PSD3: variants seen among roughly 807,000 people sequenced by gnomAD.
PSD3 encodes the protein pleckstrin and Sec7 domain containing 3, also known as PH and SEC7 domain-containing protein 3.
Under a neutral mutation model 105.5 loss-of-function variants are expected in PSD3, and 49 were observed. The observed-to-expected ratio is 0.46, with a 90% CI of 0.37 to 0.59. PSD3 has a LOEUF of 0.59. Among genes scored for constraint, PSD3 ranks in the 20% least tolerant of loss-of-function variants. PSD3 has a pLI of 0.00. For missense variants in PSD3, 1,561 were observed against 1,263.8 expected, an observed-to-expected ratio of 1.24 and a Z score of -3.57; for synonymous variants, 557 against 457.8, an observed-to-expected ratio of 1.22 and a Z score of -2.77.
intron 2 of PSD3, among the ~76,000 whole-genome samples, chr8:18,906,390 CA>C (rs950701971): frequency 4.6e-5 from 7 of 152,098 alleles, no homozygotes; most frequent in Non-Finnish European, 8.8e-5. Flanking sequence ...AATTCATACC[CA>C]AATTAGAAGG....
chr8:18,589,347 T>G (rs1212379190), intron 12 of PSD3, among the ~76,000 whole-genome samples: 2 of 152,196 alleles, frequency 1.3e-5, no homozygotes, highest in Non-Finnish European at 2.9e-5. Flanking sequence ...TGTGAGAATT[T>G]TAGAAGGATG....
At chr8:18,790,665 C>CT (rs904822539) in intron 8 of PSD3, among the ~76,000 whole-genome samples, 26 of 152,062 alleles carry the variant, frequency 1.7e-4, no homozygotes, top group African/African-American at 5.8e-4. Context: ...TCTCTATATC[C>CT]TTATTGTGGA....
Position 18,855,226 on chromosome 8 carries a change from A to C in PSD3, c.1634+12448T>G, listed in dbSNP as rs1815911954. Among the ~76,000 whole-genome samples, 2 of 152,236 alleles carry C rather than the reference A, an allele frequency of 1.3e-5. 1 individual carries two copies. The highest frequency in any genetic ancestry group is 1.3e-4 in the Admixed American group (2 of 15,282). On this transcript the variant is annotated intron_variant, in intron 4 of 15. Transcript: ENST00000327040. ...AAGTGGATAAAAATTATACACTCGA[A>C]GAACATGTAATATGCCCTTTCAAGA...
chr8:18,571,789 C>T (rs1802156862), intron 14 of PSD3, among the ~76,000 whole-genome samples: 1 of 152,180 alleles, frequency 6.6e-6, no homozygotes, highest in East Asian at 1.9e-4. Context: ...ATAAAACTGT[C>T]TCTATGTAAT....
chr8:18,567,196 A>G (rs2130275349), intron 14 of PSD3, among the ~76,000 whole-genome samples: 1 of 152,236 alleles, frequency 6.6e-6, no homozygotes, highest in East Asian at 1.9e-4. Flanking sequence ...TGTGAGAAAG[A>G]CCCAAACTAC....
rs145983110 is a variant in PSD3, at chr8:18,539,242, A to G, written c.2929-3284T>C. ...ATGCTATCCAGAGGATTTGAGGACA[A>G]AATAAAATTGTCTCAGAATAAAGAA... is the stretch of plus-strand genomic sequence containing the variant. On this transcript the variant is annotated intron_variant, in intron 15 of 15. Transcript: ENST00000327040. Among the ~76,000 whole-genome samples the G allele has an allele frequency of 2.4e-3, 365 of 152,322 alleles. 2 individuals carry two copies. Among genetic ancestry groups the G allele is most frequent in the African/African-American group, 8.4e-3 (348 of 41,568 alleles).
At chr8:18,790,545 G>A (rs1000731149) in intron 8 of PSD3, among the ~76,000 whole-genome samples, 3 of 151,854 alleles carry the variant, frequency 2.0e-5, no homozygotes, top group Non-Finnish European at 4.4e-5. Flanking sequence ...CTCGTGATCT[G>A]CCCACCTTGG....
At chr8:18,626,127 C>A (rs895605793) in intron 11 of PSD3, among the ~76,000 whole-genome samples, 1 of 151,964 alleles carries the variant, frequency 6.6e-6, no homozygotes, top group Non-Finnish European at 1.5e-5. Context: ...ATAGGTACAA[C>A]AATTTGTCTC....
At chr8:19,052,155 G>C (rs1001807981) in intron 1 of PSD3, among the ~76,000 whole-genome samples, 1 of 152,172 alleles carries the variant, frequency 6.6e-6, no homozygotes, top group Non-Finnish European at 1.5e-5. Flanking sequence ...ACTGTGGTGA[G>C]AAAGTCAGAA....
At chr8:18,988,488 T>C (rs1465753131) in intron 1 of PSD3, among the ~76,000 whole-genome samples, 4 of 152,226 alleles carry the variant, frequency 2.6e-5, no homozygotes, top group Non-Finnish European at 5.9e-5. Flanking sequence ...TTCTAGGCCA[T>C]TGCCCTTGGG....
At chr8:18,716,179 G>T (rs568228746) in intron 9 of PSD3, among the ~76,000 whole-genome samples, 1 of 152,134 alleles carries the variant, frequency 6.6e-6, no homozygotes, top group African/African-American at 2.4e-5. Context: ...TTGATTGCTG[G>T]AAAGGTCAAA....
chr8:19,073,876 C>G (rs6982280), intron 1 of PSD3, among the ~76,000 whole-genome samples: 144,683 of 151,268 alleles, frequency 0.96, 69,571 homozygotes, highest in East Asian at 1. Context: ...CTGCAAGCTC[C>G]GCCTCCCGGG....
At chr8:18,991,374 A>C (rs896650341) in intron 1 of PSD3, among the ~76,000 whole-genome samples, 1 of 14,810 alleles carries the variant, frequency 6.8e-5, no homozygotes, top group African/African-American at 1.4e-4. Flanking sequence ...ACACACACAT[A>C]CACACACACA....
rs182937183 is a variant in PSD3, at chr8:18,619,291, C to T, written c.2410+13322G>A. The stretch of plus-strand genomic sequence containing the variant: ...ACTGACCAGCATTACGGTTAAAATG[C>T]AGATCAAAAGACTGATCAAAACAGA... On this transcript the variant is annotated intron_variant, in intron 11 of 15. Coordinates refer to ENST00000327040, the MANE Select transcript of PSD3 (RefSeq NM_015310.4). Among the ~76,000 whole-genome samples, 397 of 152,190 alleles carry T rather than the reference C, an allele frequency of 2.6e-3. 3 individuals are homozygous for T. The highest frequency in any genetic ancestry group is 9.3e-3 in the African/African-American group (385 of 41,540).
At chr8:19,049,663 C>A (rs1474001515) in intron 1 of PSD3, among the ~76,000 whole-genome samples, 2 of 125,582 alleles carry the variant, frequency 1.6e-5, no homozygotes, top group African/African-American at 6.0e-5. Flanking sequence ...TGCAGTCTAA[C>A]CTGGGTGACA....
chr8:19,041,190 C>A (rs1327961053), intron 1 of PSD3, among the ~76,000 whole-genome samples: 1 of 152,172 alleles, frequency 6.6e-6, no homozygotes, highest in Non-Finnish European at 1.5e-5. Flanking sequence ...AGCCACCACA[C>A]CCAACCTTGA....
At chr8:18,609,842 T>C (rs1344408180) in intron 11 of PSD3, among the ~76,000 whole-genome samples, 2 of 152,234 alleles carry the variant, frequency 1.3e-5, no homozygotes, top group Non-Finnish European at 2.9e-5. Flanking sequence ...AGATATTCTA[T>C]TACATCTTAA....
At chr8:18,949,245 ATATATATAT>A (rs1360182637) in intron 1 of PSD3, among the ~76,000 whole-genome samples, 7 of 35,258 alleles carry the variant, frequency 2.0e-4, no homozygotes, top group African/African-American at 6.5e-4. Context: ...AAAAAAAAAA[ATATATATAT>A]ATATATATAT....
chr8:19,050,030 A>T (rs1828464884), intron 1 of PSD3, among the ~76,000 whole-genome samples: 2 of 152,188 alleles, frequency 1.3e-5, no homozygotes. Flanking sequence ...AAAACATAAC[A>T]CTTTTGTTCA....
Sources: allele counts gnomAD v4.1 joint callset (sites outside exome capture counted in the v4.1 genomes callset), GRCh38; gene constraint gnomAD v4.1.1; transcripts MANE v1.5; gene names NCBI Gene and HGNC (gene_info 2026-07-23, HGNC 2026-07-21).